Variants in KPNA3 observed in about 807,000 individuals in gnomAD.
KPNA3 encodes importin subunit alpha-4.
KPNA3 carries 13 observed loss-of-function variants against 73.8 expected under a neutral mutation model. The ratio of observed to expected loss-of-function variants is 0.18; its 90% confidence interval spans 0.11 to 0.28. The LOEUF is 0.28. Ranked by LOEUF, KPNA3 falls within the 10% of genes least tolerant of loss-of-function variation. The pLI is 1.00. For missense variants in KPNA3, 360 were observed against 618.1 expected (o/e 0.58, Z 4.43); for synonymous variants, 186 against 206.9 (o/e 0.90, Z 0.87).
intron 10 of KPNA3, among the ~76,000 whole-genome samples, chr13:49,715,906 T>A (rs1288537075): frequency 2.0e-5 from 3 of 152,258 alleles, no homozygotes; most frequent in East Asian, 3.8e-4. Flanking sequence ...CATAATAGTG[T>A]GTTTAAATAA....
chr13:49,740,071 C>T (rs930099792), intron 2 of KPNA3, among the ~76,000 whole-genome samples: 1 of 151,756 alleles, frequency 6.6e-6, no homozygotes, highest in African/African-American at 2.4e-5. Context: ...GGCAACATGG[C>T]GAAATCCCGT....
intron 2 of KPNA3, among the ~76,000 whole-genome samples, chr13:49,734,521 C>T (rs1954501644): frequency 6.6e-6 from 1 of 152,086 alleles, no homozygotes; most frequent in African/African-American, 2.4e-5. Flanking sequence ...TTATTTCACT[C>T]TTAGATAAAA....
chr13:49,752,035 G>C (rs1007989967), intron 1 of KPNA3, among the ~76,000 whole-genome samples: 1 of 152,160 alleles, frequency 6.6e-6, no homozygotes, highest in African/African-American at 2.4e-5. Flanking sequence ...GAAAATGGAA[G>C]GGCAGAAGTT....
At chr13:49,783,742 C>A (rs1294283297) in intron 1 of KPNA3, among the ~76,000 whole-genome samples, 3 of 152,200 alleles carry the variant, frequency 2.0e-5, no homozygotes, top group Admixed American at 1.3e-4. Context: ...TCATCAATTT[C>A]ATGTCCCATT....
chr13:49,733,371 C>A (rs990467126), intron 2 of KPNA3, among the ~76,000 whole-genome samples: 1 of 149,508 alleles, frequency 6.7e-6, no homozygotes, highest in Non-Finnish European at 1.5e-5. Flanking sequence ...CACTTCCAAC[C>A]TCTGCTTCCT....
chr13:49,699,855 C>T lies in KPNA3; in HGVS notation c.*1945G>A, dbSNP rs892287863. The T allele has an allele frequency of 2.6e-5, 4 of 152,444 alleles. No individual in the cohort carries two copies. Among genetic ancestry groups the T allele is most frequent in the Non-Finnish European group, 4.4e-5 (3 of 68,002 alleles). The allele number at this position is 152,444 out of a possible 1,614,324, so 9.4% of individuals were successfully genotyped here. A position where few individuals can be genotyped will look rare whatever the true frequency, so the allele number is the denominator to read the frequency against. On this transcript the variant is annotated 3_prime_UTR_variant, in exon 17 of 17. Coordinates refer to ENST00000261667, the MANE Select transcript of KPNA3 (RefSeq NM_002267.4). ...TTTACGTTGTTATTCCTACTTTTAGCGAACACCACACAGTTTCAAAAATTT... is the reference window on the plus strand; with the variant it reads ...TTTACGTTGTTATTCCTACTTTTAGTGAACACCACACAGTTTCAAAAATTT...
At chr13:49,782,101 T>C (rs1054741564) in intron 1 of KPNA3, among the ~76,000 whole-genome samples, 2 of 152,098 alleles carry the variant, frequency 1.3e-5, no homozygotes, top group Non-Finnish European at 2.9e-5. Flanking sequence ...GCCAGAAAAA[T>C]GTGAGGCACA....
intron 15 of KPNA3, 91 bp from the exon 16 acceptor site, chr13:49,702,571 A>C: frequency 1.5e-6 from 1 of 653,062 alleles, no homozygotes; most frequent in Non-Finnish European, 2.6e-6. Context: ...AGAAATCCTA[A>C]GGAACTCAGA....
At chr13:49,733,286 T>TG (rs1954487615) in intron 2 of KPNA3, among the ~76,000 whole-genome samples, 4 of 143,000 alleles carry the variant, frequency 2.8e-5, no homozygotes, top group South Asian at 4.7e-4. Flanking sequence ...TGTGGTGTTT[T>TG]TTTTTTTTTT....
At chr13:49,776,445 C>T (rs1954898846) in intron 1 of KPNA3, among the ~76,000 whole-genome samples, 1 of 152,146 alleles carries the variant, frequency 6.6e-6, no homozygotes, top group Non-Finnish European at 1.5e-5. Context: ...AGTAAATACG[C>T]ATTTTATCAT....
chr13:49,720,217 T>C (rs1013940897), intron 9 of KPNA3, among the ~76,000 whole-genome samples: 1 of 152,222 alleles, frequency 6.6e-6, no homozygotes, highest in Non-Finnish European at 1.5e-5. Context: ...CTCACTTACC[T>C]GCTTAACGTA....
intron 1 of KPNA3, 81 bp downstream of exon 1, chr13:49,792,357 G>T: frequency 1.0e-6 from 1 of 961,930 alleles, no homozygotes; most frequent in Non-Finnish European, 1.4e-6. Flanking sequence ...ACGAGAACCA[G>T]CCCGGCGCCG....
At chr13:49,767,101 C>T (rs1211416590) in intron 1 of KPNA3, among the ~76,000 whole-genome samples, 4 of 151,426 alleles carry the variant, frequency 2.6e-5, no homozygotes, top group African/African-American at 7.3e-5. Context: ...AGAGCAATAC[C>T]ATGAAATAAT....
intron 15 of KPNA3, among the ~76,000 whole-genome samples, chr13:49,704,412 CAAAAAAAAAATAAATAAAT>C (rs1449104645): frequency 9.6e-4 from 113 of 117,996 alleles, no homozygotes; most frequent in South Asian, 8.7e-3. Context: ...AACTCTGTCT[CAAAAAAAAAATAAATAAAT>C]AAAAAATAAA....
chr13:49,729,463 G>T (rs1954440964), intron 6 of KPNA3, among the ~76,000 whole-genome samples: 1 of 152,088 alleles, frequency 6.6e-6, no homozygotes, highest in Non-Finnish European at 1.5e-5. Flanking sequence ...AATGAGAAAA[G>T]ATATAGAAAA....
rs1292026404 is a variant in KPNA3, at chr13:49,711,005, A to C, written c.789T>G (p.Val263=). 1.2e-5 allele frequency: 20 copies of C among 1,609,996 alleles called. No homozygotes were observed. Among genetic ancestry groups the C allele is most frequent in the Non-Finnish European group, 1.5e-5 (18 of 1,178,686 alleles). The change falls in exon 11 of 17, where the codon GTT becomes GTG. Residue 263 remains valine, a synonymous_variant. Coordinates refer to ENST00000261667, the MANE Select transcript of KPNA3 (RefSeq NM_002267.4). ...HTDINILVDT[V]WALSYLTDGG... Reference sequence around the variant, plus strand: ...CATCTGTCAAGTATGACAGAGCCCAAACAGTGTCTACAAGAATCTACAGGA... The same window carrying C: ...CATCTGTCAAGTATGACAGAGCCCACACAGTGTCTACAAGAATCTACAGGA...
intron 6 of KPNA3, among the ~76,000 whole-genome samples, chr13:49,725,915 T>TATA (rs1239880100): frequency 6.6e-6 from 1 of 152,170 alleles, no homozygotes; most frequent in Non-Finnish European, 1.5e-5. Flanking sequence ...GTGCTGGGAT[T>TATA]ATAGGCATGA....
intron 12 of KPNA3, among the ~76,000 whole-genome samples, chr13:49,706,948 A>G (rs1210468993): frequency 2.0e-5 from 3 of 151,886 alleles, no homozygotes; most frequent in Non-Finnish European, 4.4e-5. Flanking sequence ...ACGGGGTTTC[A>G]CCGTGTTAGC....
chr13:49,705,748 C>T lies in KPNA3; in HGVS notation c.1245G>A (p.Pro415=), dbSNP rs764250932. ...EYLVQQNVIP[P]FCNLLSVKDS... Reference sequence around the variant, plus strand: ...CTTTCACTGACAGTAAATTACAGAACGGTGGTATTACATTCTGCTGTACAA... The same window carrying T: ...CTTTCACTGACAGTAAATTACAGAATGGTGGTATTACATTCTGCTGTACAA... The change falls in exon 15 of 17, where the codon CCG becomes CCA. Residue 415 remains proline, a synonymous_variant. Transcript: ENST00000261667. 5.0e-6 allele frequency: 8 copies of T among 1,613,486 alleles called. No individual in the cohort carries two copies. The highest frequency in any genetic ancestry group is 4.0e-5 in the African/African-American group (3 of 74,880).
Sources: allele counts gnomAD v4.1 joint callset (sites outside exome capture counted in the v4.1 genomes callset), GRCh38; gene constraint gnomAD v4.1.1; transcripts MANE v1.5; gene names NCBI Gene and HGNC (gene_info 2026-07-23, HGNC 2026-07-21).